Variants in CNTRL observed in about 807,000 individuals in gnomAD.
CNTRL encodes centriolin.
In CNTRL, 233 loss-of-function variants were observed where a neutral mutation model predicts 303.7. That is an observed-to-expected ratio of 0.77 (90% confidence interval 0.69 to 0.86). CNTRL has a LOEUF of 0.86. CNTRL is among the 40% of genes least tolerant of loss of function. The pLI, the probability that CNTRL is intolerant of heterozygous loss-of-function variation, is 0.00. For synonymous variants in CNTRL, 900 were observed against 922.2 expected (o/e 0.98, Z 0.44); for missense variants, 2,524 against 2,650.6 (o/e 0.95, Z 1.05).
In CNTRL at chr9:121,150,217, C is replaced by T. The variant is rs1038767733; in HGVS notation, c.3697C>T (p.Gln1233Ter). ...DSQEESELDD[Q>*]EEPPFVPPPG... ...TCAGGAAGAGAGTGAGCTGGATGAC[C>T]AAGAAGAACCCCCATTTGTGCCTCC... is the stretch of plus-strand genomic sequence containing the variant. The change falls in exon 25 of 44, where the codon CAA becomes TAA. Residue 1233 changes from glutamine (Q) to a stop codon, truncating the protein, a stop_gained. Coordinates refer to ENST00000373855, the MANE Select transcript of CNTRL (RefSeq NM_007018.6). LOFTEE classifies it high-confidence loss of function. The T allele has an allele frequency of 1.1e-5, 17 of 1,613,514 alleles. No individual in the cohort carries two copies. The highest frequency in any genetic ancestry group is 1.4e-5 in the Non-Finnish European group (16 of 1,179,758).
intron 7 of CNTRL, among the ~76,000 whole-genome samples, chr9:121,106,353 A>C (rs2049472120): frequency 1.3e-5 from 2 of 151,996 alleles, no homozygotes; most frequent in Non-Finnish European, 2.9e-5. Flanking sequence ...AAAAAAAAAA[A>C]AACCTAAAAG....
At chr9:121,162,479 TG>T (rs1179733415) in intron 34 of CNTRL, among the ~76,000 whole-genome samples, 9 of 152,196 alleles carry the variant, frequency 5.9e-5, no homozygotes, top group Admixed American at 1.3e-4. Flanking sequence ...AAATCTATTT[TG>T]TTTTTTTTAA....
At chr9:121,092,971 T>C (rs1298844139) in intron 4 of CNTRL, among the ~76,000 whole-genome samples, 2 of 150,046 alleles carry the variant, frequency 1.3e-5, no homozygotes, top group African/African-American at 4.9e-5. Flanking sequence ...GACGCCCAGC[T>C]AATTTTTTTT....
chr9:121,098,980 T>G (rs1206236004), intron 7 of CNTRL, among the ~76,000 whole-genome samples: 3 of 152,184 alleles, frequency 2.0e-5, no homozygotes, highest in African/African-American at 7.2e-5. Context: ...CAGCTTGTTC[T>G]TTGAGGCTCA....
chr9:121,108,027 A>G (rs781118047), intron 8 of CNTRL, 32 bp downstream of exon 8: 2 of 1,451,520 alleles, frequency 1.4e-6, no homozygotes, highest in African/African-American at 1.4e-5. Flanking sequence ...CTTTGGCTGT[A>G]TTCTCATAAG....
intron 10 of CNTRL, among the ~76,000 whole-genome samples, chr9:121,114,154 A>T (rs907939772): frequency 3.3e-5 from 5 of 152,378 alleles, no homozygotes; most frequent in East Asian, 1.9e-4. Flanking sequence ...CTAGCCTCTG[A>T]CTTTTCCTGA....
intron 2 of CNTRL, among the ~76,000 whole-genome samples, chr9:121,083,129 C>T (rs1273342318): frequency 2.0e-5 from 3 of 152,062 alleles, no homozygotes; most frequent in African/African-American, 2.4e-5. Flanking sequence ...TAGGACATTA[C>T]GGTACACTAC....
chr9:121,104,107 G>T (rs966652756), intron 7 of CNTRL, among the ~76,000 whole-genome samples: 1 of 152,142 alleles, frequency 6.6e-6, no homozygotes, highest in Non-Finnish European at 1.5e-5. Flanking sequence ...TCACAATAGC[G>T]AAGACTTGGA....
At chr9:121,137,899 T>G (rs572908027) in intron 15 of CNTRL, among the ~76,000 whole-genome samples, 14 of 152,282 alleles carry the variant, frequency 9.2e-5, no homozygotes, top group African/African-American at 3.4e-4. Context: ...TTTTCACCAA[T>G]TCACTTGGTA....
chr9:121,135,616 G>A (rs2051144297), intron 14 of CNTRL, among the ~76,000 whole-genome samples, 190 bp from the exon 15 acceptor site: 1 of 152,060 alleles, frequency 6.6e-6, no homozygotes, highest in Admixed American at 6.5e-5. Flanking sequence ...ATTACATTTA[G>A]CCAGGGTTTT....
At chr9:121,095,548 G>T (rs1172317850) in intron 5 of CNTRL, among the ~76,000 whole-genome samples, 1 of 152,048 alleles carries the variant, frequency 6.6e-6, no homozygotes, top group Non-Finnish European at 1.5e-5. Context: ...TAGACAAAAT[G>T]ATACAAGAAT....
intron 14 of CNTRL, among the ~76,000 whole-genome samples, chr9:121,132,946 G>A (rs57289842): frequency 6.6e-6 from 1 of 152,168 alleles, no homozygotes; most frequent in Non-Finnish European, 1.5e-5. Flanking sequence ...GACCCTGTTT[G>A]CCTCGGTATC....
At chr9:121,148,918 C>A (rs114302660) in intron 24 of CNTRL, 57 bp downstream of exon 24, 1 of 1,478,674 alleles carries the variant, frequency 6.8e-7, no homozygotes, top group South Asian at 1.2e-5. Context: ...TAACCTTTTA[C>A]TGATTCTCTG....
intron 31 of CNTRL, among the ~76,000 whole-genome samples, chr9:121,159,552 A>C (rs889598904): frequency 6.6e-6 from 1 of 152,082 alleles, no homozygotes; most frequent in African/African-American, 2.4e-5. Context: ...GAATTGCTTG[A>C]AATTGGGAGG....
rs1247023941 is a variant in CNTRL, at chr9:121,075,021, C to T, written c.-251C>T. On this transcript the variant is annotated 5_prime_UTR_variant, in exon 1 of 44. Transcript: ENST00000373855. ...CCCTGAGGAAAGAGCCCGAACTTCT[C>T]CCGCTCTACCTCAGCCTGCGGGACT... 2.2e-6 allele frequency: 1 copy of T among 453,034 alleles called. No individual in the cohort carries two copies. Among genetic ancestry groups the T allele is most frequent in the South Asian group, 1.6e-5 (1 of 64,308 alleles). 28.1% of individuals were successfully genotyped at this position (453,034 alleles called of 1,614,324 possible). A position where few individuals can be genotyped will look rare whatever the true frequency, so the allele number is the denominator to read the frequency against.
chr9:121,124,747 G>A (rs1588169438), intron 13 of CNTRL, among the ~76,000 whole-genome samples: 1 of 150,070 alleles, frequency 6.7e-6, no homozygotes, highest in Middle Eastern at 3.4e-3. Context: ...AGATCAGCAT[G>A]GGCAACATGG....
intron 14 of CNTRL, among the ~76,000 whole-genome samples, chr9:121,128,490 T>TAAA (rs2050667439): frequency 1.3e-5 from 2 of 152,136 alleles, no homozygotes; most frequent in Non-Finnish European, 2.9e-5. Flanking sequence ...TTTGATGGGG[T>TAAA]TGTTTTTTTC....
Position 121,152,699 on chromosome 9 carries a change from T to C in CNTRL, c.4172+6T>C, listed in dbSNP as rs2052348322. 2 of 1,575,926 alleles carry C rather than the reference T, an allele frequency of 1.3e-6. No individual in the cohort carries two copies. Among genetic ancestry groups the C allele is most frequent in the South Asian group, 2.3e-5 (2 of 88,552 alleles). ...CAGAAACGTCAACAGCAAAAGTAAT[T>C]AATATATTTTTTATAATTCAGACAA... On this transcript the variant is annotated splice_donor_region_variant and intron_variant, in intron 26 of 43. Coordinates refer to ENST00000373855, the MANE Select transcript of CNTRL (RefSeq NM_007018.6).
At chr9:121,155,572 C>T (rs1258405112) in intron 27 of CNTRL, among the ~76,000 whole-genome samples, 2 of 152,120 alleles carry the variant, frequency 1.3e-5, no homozygotes, top group Admixed American at 1.3e-4. Flanking sequence ...GTGATCCTGC[C>T]TCAGCTTCCC....
Sources: gnomAD v4.1 joint callset for allele counts (sites outside exome capture counted in the v4.1 genomes callset) on GRCh38, gnomAD v4.1.1 for gene constraint, MANE v1.5 for transcripts, NCBI Gene and HGNC (gene_info 2026-07-23, HGNC 2026-07-21) for gene names.